The following ZNF738 variants were observed in gnomAD, a reference collection of about 807,000 sequenced individuals.
The protein encoded by ZNF738 is zinc finger protein 738.
Under a neutral mutation model 9.2 loss-of-function variants are expected in ZNF738, and 10 were observed. That is an observed-to-expected ratio of 1.09 (90% CI 0.67 to 1.85). ZNF738 has a LOEUF of 1.85. ZNF738 is among the 40% of genes most tolerant of loss of function. The probability of loss-of-function intolerance (pLI) is 0.00; values close to 1 mark genes in which losing one functional copy is unlikely to be tolerated. For synonymous variants in ZNF738, 113 were observed against 94.5 expected (o/e 1.20, Z -1.14); for missense variants, 346 against 283.6 (o/e 1.22, Z -1.58).
chr19:21,386,215 C>T lies in ZNF738; in HGVS notation c.*2541C>T. 1 of 285,748 alleles carries T rather than the reference C, an allele frequency of 3.5e-6. No homozygotes were observed. The allele number at this position is 285,748 out of a possible 1,614,324, so 17.7% of individuals were successfully genotyped here. Reference sequence around the variant, plus strand: ...GTGGCAAAGCCTTTAATGGTCCCCTCAACTTTCTGCACATAAGATAATTTA... The same window carrying T: ...GTGGCAAAGCCTTTAATGGTCCCCTTAACTTTCTGCACATAAGATAATTTA... On this transcript the variant is annotated 3_prime_UTR_variant, in exon 5 of 5. Coordinates refer to ENST00000683779, the MANE Select transcript of ZNF738 (RefSeq NM_001355237.2).
At position 21,388,272 on chromosome 19, in the gene ZNF738, G is replaced by T. The variant is rs762483665; in HGVS notation, c.*4598G>T. Among the ~76,000 whole-genome samples, 24 of 152,108 alleles carry T rather than the reference G, an allele frequency of 1.6e-4. No individual in the cohort carries two copies. The highest frequency in any genetic ancestry group is 3.5e-4 in the Non-Finnish European group (24 of 68,012). Reference sequence around the variant, plus strand: ...GATGTAATTCAACACTCATTTTCTGGTGTTTCTTCATTCTTATTCACTTGT... The same window carrying T: ...GATGTAATTCAACACTCATTTTCTGTTGTTTCTTCATTCTTATTCACTTGT... On this transcript the variant is annotated 3_prime_UTR_variant, in exon 5 of 5. Transcript: ENST00000683779.
intron 2 of ZNF738, among the ~76,000 whole-genome samples, chr19:21,364,529 AAAG>A (rs1208544328): frequency 2.0e-5 from 3 of 152,160 alleles, no homozygotes; most frequent in Admixed American, 6.5e-5. Context: ...TTAATAAGAA[AAAG>A]AAGAAAAGGT....
chr19:21,377,529 C>CACAT (rs1294638215), intron 4 of ZNF738: 2 of 571,188 alleles, frequency 3.5e-6, no homozygotes, highest in South Asian at 4.4e-5. Context: ...CACACACACA[C>CACAT]ACACAAAATT....
At chr19:21,377,902 T>G (rs1973953027) in intron 4 of ZNF738, 2 of 385,798 alleles carry the variant, frequency 5.2e-6, no homozygotes, top group Admixed American at 8.9e-5. Context: ...TTCTATTTGA[T>G]TCTTGCATCT....
At position 21,385,232 on chromosome 19, in the gene ZNF738, A is replaced by G. The variant is rs1196478204; in HGVS notation, c.*1558A>G. Among the ~76,000 whole-genome samples the G allele has an allele frequency of 6.6e-6, 1 of 152,198 alleles. No homozygotes were observed. Among genetic ancestry groups the G allele is most frequent in the African/African-American group, 2.4e-5 (1 of 41,442 alleles). ...AGCACTTTGGGAGGCTGAGGCAGGC[A>G]GATCACCTGGTCAAGAGTTCAAGAC... On this transcript the variant is annotated 3_prime_UTR_variant, in exon 5 of 5. Coordinates refer to ENST00000683779, the MANE Select transcript of ZNF738 (RefSeq NM_001355237.2).
chr19:21,385,101 A>C lies in ZNF738; in HGVS notation c.*1427A>C, dbSNP rs1478582819. Among the ~76,000 whole-genome samples the C allele has an allele frequency of 6.6e-6, 1 of 152,086 alleles. No individual in the cohort carries two copies. The highest frequency in any genetic ancestry group is 1.5e-5 in the Non-Finnish European group (1 of 68,026). ...TGCGGTGGCTCATGCCTGTAATCCCAGCACTTTGGGAGGCTGAGGCAGGCA... is the reference window on the plus strand; with the variant it reads ...TGCGGTGGCTCATGCCTGTAATCCCCGCACTTTGGGAGGCTGAGGCAGGCA... On this transcript the variant is annotated 3_prime_UTR_variant, in exon 5 of 5. Transcript: ENST00000683779.
In ZNF738 at chr19:21,364,899, C is replaced by T. The variant is rs190908354; in HGVS notation, c.96+3041C>T. 8.6e-4 allele frequency among the ~76,000 whole-genome samples: 124 copies of T among 144,128 alleles called. 1 individual carries two copies. Among genetic ancestry groups the T allele is most frequent in the African/African-American group, 2.9e-3 (111 of 38,810 alleles). 94.6% of individuals were successfully genotyped at this position (144,128 alleles called of 152,430 possible). The stretch of plus-strand genomic sequence containing the variant: ...TGACTGGGACTACAGGCATCCACCA[C>T]CATACCCAGCTAATTTTTTTTTTTT... On this transcript the variant is annotated intron_variant, in intron 2 of 4. Transcript: ENST00000683779.
At chr19:21,365,944 G>GA (rs1159559198) in intron 2 of ZNF738, among the ~76,000 whole-genome samples, 1 of 131,598 alleles carries the variant, frequency 7.6e-6, no homozygotes, top group East Asian at 2.3e-4. Context: ...GTGACAGAGG[G>GA]AGACTCCATC....
chr19:21,381,926 A>G lies in ZNF738; in HGVS notation c.320-940A>G, dbSNP rs994064692. ...CTGGACTAAGGAAGCTGACATCTTC[A>G]CCATCCCAATGCCCCAGTGCCTCAG... On this transcript the variant is annotated intron_variant, in intron 4 of 4. Coordinates refer to ENST00000683779, the MANE Select transcript of ZNF738 (RefSeq NM_001355237.2). 1.4e-4 allele frequency: 34 copies of G among 238,520 alleles called. 1 individual carries two copies. The highest frequency in any genetic ancestry group is 7.4e-4 in the African/African-American group (32 of 43,214). The allele number at this position is 238,520 out of a possible 1,614,324, so 14.8% of individuals were successfully genotyped here.
intron 4 of ZNF738, chr19:21,381,238 T>C (rs1973999830): frequency 6.4e-7 from 1 of 1,573,544 alleles, no homozygotes; most frequent in African/African-American, 1.4e-5. Context: ...TAAAGCTTTC[T>C]CTACAGCCAC....
intron 2 of ZNF738, among the ~76,000 whole-genome samples, chr19:21,365,911 C>A (rs1973770245): frequency 6.6e-6 from 1 of 151,016 alleles, no homozygotes; most frequent in Non-Finnish European, 1.5e-5. Context: ...GAGCCAAGAT[C>A]GCGCCACTGC....
chr19:21,380,864 T>A (rs540291240), intron 4 of ZNF738, among the ~76,000 whole-genome samples: 27 of 152,256 alleles, frequency 1.8e-4, no homozygotes, highest in African/African-American at 6.3e-4. Flanking sequence ...GGAGAAATGC[T>A]GAGGGGGATG....
Position 21,377,535 on chromosome 19 carries a change from A to AC in ZNF738, c.319+1571_319+1572insC, listed in dbSNP as rs527716639. 4.0e-3 allele frequency: 1,892 copies of AC among 468,456 alleles called. 3 individuals carry two copies. Among genetic ancestry groups the AC allele is most frequent in the Non-Finnish European group, 5.9e-3 (1,526 of 256,926 alleles). The allele number at this position is 468,456 out of a possible 1,614,324, so 29.0% of individuals were successfully genotyped here. ...GTGCACACACACACACACACACACA[A>AC]AATTTGTCATAGGTTCCCAGTTAAT... On this transcript the variant is annotated intron_variant, in intron 4 of 4. Transcript: ENST00000683779.
rs1293077508 is a variant in ZNF738 at position 21,385,884 on chromosome 19, G to T, written c.*2210G>T. ...AAGAATGTGGCAAAGGCTTTAATTT[G>T]TCCTCAACACTTACTAAACAGAATT... On this transcript the variant is annotated 3_prime_UTR_variant, in exon 5 of 5. Coordinates refer to ENST00000683779, the MANE Select transcript of ZNF738 (RefSeq NM_001355237.2). Among the ~76,000 whole-genome samples the T allele has an allele frequency of 1.3e-5, 2 of 151,624 alleles. No homozygotes were observed. Among genetic ancestry groups the T allele is most frequent in the East Asian group, 2.0e-4 (1 of 5,120 alleles).
rs71176864 is a variant in ZNF738, at chr19:21,364,912, A to ATTTTT, written c.96+3077_96+3081dup. On this transcript the variant is annotated intron_variant, in intron 2 of 4. Coordinates refer to ENST00000683779, the MANE Select transcript of ZNF738 (RefSeq NM_001355237.2). ...AGGCATCCACCACCATACCCAGCTA[A>ATTTTT]TTTTTTTTTTTTTTTTTTTTTTTTT... Among the ~76,000 whole-genome samples, 70 of 99,244 alleles carry ATTTTT rather than the reference A, an allele frequency of 7.1e-4. 4 individuals are homozygous for ATTTTT. The highest frequency in any genetic ancestry group is 1.8e-3 in the African/African-American group (46 of 25,862). 65.1% of individuals were successfully genotyped at this position (99,244 alleles called of 152,430 possible). A position where few individuals can be genotyped will look rare whatever the true frequency, so the allele number is the denominator to read the frequency against.
chr19:21,360,937 C>A (rs1399017629), intron 1 of ZNF738, among the ~76,000 whole-genome samples: 1 of 151,732 alleles, frequency 6.6e-6, no homozygotes, highest in African/African-American at 2.4e-5. Context: ...GCCTCAGCCT[C>A]CCAAGTAGCT....
At chr19:21,364,192 G>A (rs865922388) in intron 2 of ZNF738, among the ~76,000 whole-genome samples, 9 of 846 alleles carry the variant, frequency 0.011, no homozygotes, top group Non-Finnish European at 0.014. Flanking sequence ...GCGAGAATCC[G>A]TCTCAAAAAA....
chr19:21,361,106 G>T (rs1232816977), intron 1 of ZNF738, among the ~76,000 whole-genome samples: 1 of 137,008 alleles, frequency 7.3e-6, no homozygotes, highest in African/African-American at 2.7e-5. Context: ...GAGCCACTGC[G>T]CCCTGCATAA....
At position 21,384,196 on chromosome 19, in the gene ZNF738, G is replaced by C; in HGVS notation, c.*522G>C. 7.2e-7 allele frequency: 1 copy of C among 1,392,366 alleles called. No homozygotes were observed. Among genetic ancestry groups the C allele is most frequent in the Non-Finnish European group, 1.0e-6 (1 of 986,610 alleles). 86.3% of individuals were successfully genotyped at this position (1,392,366 alleles called of 1,614,324 possible). On this transcript the variant is annotated 3_prime_UTR_variant, in exon 5 of 5. Coordinates refer to ENST00000683779, the MANE Select transcript of ZNF738 (RefSeq NM_001355237.2). The stretch of plus-strand genomic sequence containing the variant: ...GAGGAATGTGGCAAAGCTTTTAACT[G>C]GTACTCACGCCTTACTACACATAAG...
Sources: gnomAD v4.1 joint callset for allele counts (sites outside exome capture counted in the v4.1 genomes callset) on GRCh38, gnomAD v4.1.1 for gene constraint, MANE v1.5 for transcripts, NCBI Gene and HGNC (gene_info 2026-07-23, HGNC 2026-07-21) for gene names.